The following LRRIQ1 variants were observed in gnomAD, a reference collection of about 807,000 sequenced individuals.
LRRIQ1 encodes the protein leucine-rich repeat- and IQ domain-containing protein 1.
A neutral mutation model predicts 211.9 loss-of-function variants in LRRIQ1; 210 were observed. That is an observed-to-expected ratio of 0.99 (90% confidence interval 0.89 to 1.11). LRRIQ1 has a LOEUF of 1.11. Ranked by LOEUF, LRRIQ1 falls within the 50% of genes most tolerant of loss-of-function variation. The pLI is 0.00. For synonymous variants in LRRIQ1, 699 were observed against 650.1 expected (o/e 1.08, Z -1.14); for missense variants, 2,136 against 1,939.5 (o/e 1.10, Z -1.90).
intron 10 of LRRIQ1, among the ~76,000 whole-genome samples, chr12:85,071,587 G>C (rs1237248367): frequency 6.6e-6 from 1 of 151,966 alleles, no homozygotes; most frequent in African/African-American, 2.4e-5. Context: ...GGAAGATAGT[G>C]TCAGACTCCC....
At chr12:85,268,655 A>G (rs1377173255), downstream of LRRIQ1, among the ~76,000 whole-genome samples, 2 of 150,746 alleles carry the variant, frequency 1.3e-5, no homozygotes, top group Admixed American at 1.3e-4. Context: ...GATTATTAAC[A>G]TCTGTAACTA....
chr12:85,217,508 ATGTGTGTGTGTGTGTGTG>A lies in LRRIQ1; in HGVS notation c.4823-11983_4823-11966del, dbSNP rs370971727. Among the ~76,000 whole-genome samples the A allele has an allele frequency of 3.5e-3, 225 of 64,240 alleles. 10 individuals are homozygous for A. Among genetic ancestry groups the A allele is most frequent in the African/African-American group, 0.019 (197 of 10,572 alleles). 42.1% of individuals were successfully genotyped at this position (64,240 alleles called of 152,430 possible). ...TATATATATGTATATATATATATAT[ATGTGTGTGTGTGTGTGTG>A]TGTGTGTGTGTGTGTGTGTGTGTGT... On this transcript the variant is annotated intron_variant, in intron 24 of 26. Coordinates refer to ENST00000393217, the MANE Select transcript of LRRIQ1 (RefSeq NM_001079910.2).
intron 3 of LRRIQ1, 101 bp from the exon 4 acceptor site, chr12:85,044,617 C>T: frequency 1.9e-6 from 1 of 530,148 alleles, no homozygotes; most frequent in East Asian, 3.0e-5. Context: ...ACAATATACC[C>T]TGATAGAATT....
At chr12:85,228,263 G>A (rs570180173) in intron 24 of LRRIQ1, among the ~76,000 whole-genome samples, 15 of 152,108 alleles carry the variant, frequency 9.9e-5, no homozygotes, top group South Asian at 8.3e-4. Flanking sequence ...AAATTTTTAC[G>A]ATCTACCCAT....
chr12:85,129,903 A>C (rs11116721), intron 18 of LRRIQ1, among the ~76,000 whole-genome samples: 33,375 of 152,138 alleles, frequency 0.22, 4,331 homozygotes, highest in Admixed American at 0.31. Context: ...ACCAGGCAAG[A>C]GATAACGTCA....
intron 24 of LRRIQ1, among the ~76,000 whole-genome samples, chr12:85,184,640 A>G (rs1214463235): frequency 3.9e-5 from 6 of 151,988 alleles, no homozygotes; most frequent in Non-Finnish European, 8.8e-5. Flanking sequence ...GATTGGATTA[A>G]GGGAAGGAAG....
intron 1 of LRRIQ1, among the ~76,000 whole-genome samples, chr12:85,250,361 T>G (rs1895871012): frequency 6.6e-6 from 1 of 151,770 alleles, no homozygotes; most frequent in Non-Finnish European, 1.5e-5. Context: ...TCATTTCAGG[T>G]GAAGTTTTCA....
At chr12:85,067,806 C>T (rs1311977949) in intron 10 of LRRIQ1, among the ~76,000 whole-genome samples, 1 of 151,844 alleles carries the variant, frequency 6.6e-6, no homozygotes, top group Non-Finnish European at 1.5e-5. Flanking sequence ...GAAATTAAAA[C>T]AAAAGAGAAA....
chr12:85,118,194 T>G (rs1156860535), intron 15 of LRRIQ1, among the ~76,000 whole-genome samples: 2 of 152,154 alleles, frequency 1.3e-5, no homozygotes, highest in East Asian at 3.9e-4. Flanking sequence ...TTTATTCCTT[T>G]GTGGCAAATA....
intron 24 of LRRIQ1, among the ~76,000 whole-genome samples, chr12:85,193,113 G>C (rs1045600098): frequency 1.7e-5 from 2 of 114,808 alleles, no homozygotes; most frequent in African/African-American, 3.4e-5. Flanking sequence ...TATAATTATA[G>C]TATATAATTA....
At chr12:85,235,640 A>C (rs1399882364) in intron 26 of LRRIQ1, among the ~76,000 whole-genome samples, 1 of 152,168 alleles carries the variant, frequency 6.6e-6, no homozygotes, top group Non-Finnish European at 1.5e-5. Flanking sequence ...CTCAGGCTGC[A>C]GTTTTCTCAG....
intron 6 of LRRIQ1, among the ~76,000 whole-genome samples, chr12:85,051,037 G>C (rs186849691): frequency 2.6e-5 from 4 of 152,150 alleles, no homozygotes; most frequent in Non-Finnish European, 5.9e-5. Context: ...TGGAGGTGGG[G>C]CCTAGTGGGA....
intron 24 of LRRIQ1, among the ~76,000 whole-genome samples, chr12:85,167,912 G>A (rs1401765195): frequency 6.6e-6 from 1 of 152,058 alleles, no homozygotes; most frequent in Admixed American, 6.6e-5. Context: ...ACAATCGGAA[G>A]TGCACTAATC....
chr12:85,153,706 A>G lies in LRRIQ1; in HGVS notation c.4585A>G (p.Ser1529Gly). ...TSSWTPESKT[S>G]RKSLLKSEKE... is the part of the protein sequence containing the mutation. ...TTCCTGGACACCTGAATCAAAGACC[A>G]GTAGAAAGAGTTTGCTAAAATCTGA... Residue 1529 changes from serine (S) to glycine (G), a missense_variant, in exon 22 of 27, where the codon AGT becomes GGT. Transcript: ENST00000393217. 6.3e-7 allele frequency: 1 copy of G among 1,586,796 alleles called. No individual in the cohort carries two copies. Among genetic ancestry groups the G allele is most frequent in the South Asian group, 1.2e-5 (1 of 85,730 alleles).
Position 85,044,820 on chromosome 12 carries a change from A to G in LRRIQ1, c.336+11A>G, listed in dbSNP as rs759988339. Reference sequence around the variant, plus strand: ...GAGCAATTAATTAAGGTATATATTCAATATTTGACTTAAAATATTCACTAT... The same window carrying G: ...GAGCAATTAATTAAGGTATATATTCGATATTTGACTTAAAATATTCACTAT... On this transcript the variant is annotated intron_variant, in intron 4 of 26. Coordinates refer to ENST00000393217, the MANE Select transcript of LRRIQ1 (RefSeq NM_001079910.2). 2 of 1,227,850 alleles carry G rather than the reference A, an allele frequency of 1.6e-6. No homozygotes were observed. The highest frequency in any genetic ancestry group is 4.9e-5 in the East Asian group (2 of 40,982). 76.1% of individuals were successfully genotyped at this position (1,227,850 alleles called of 1,614,324 possible).
At position 85,251,587 on chromosome 12, in the gene LRRIQ1, G is replaced by C. The variant is rs370006852; in HGVS notation, c.121+6678G>C. On this transcript the variant is annotated intron_variant, in intron 1 of 1. Transcript: ENST00000602731. ...TTGCAACTCTTATGTAAATTTAGCC[G>C]GTAAAGGCAGCCTGGCATAGTGGAA... Among the ~76,000 whole-genome samples the C allele has an allele frequency of 9.2e-5, 14 of 151,874 alleles. 1 individual carries two copies. In the East Asian group the frequency reaches 2.5e-3, roughly 27 times the overall value.
chr12:85,246,974 AGTT>A (rs1238143862), downstream of LRRIQ1, among the ~76,000 whole-genome samples: 2 of 151,432 alleles, frequency 1.3e-5, no homozygotes, highest in Admixed American at 6.6e-5. Context: ...CTCTTTGTAG[AGTT>A]GTTGTTGGGA....
chr12:85,243,181 T>C (rs1565925004), intron 26 of LRRIQ1, among the ~76,000 whole-genome samples: 5 of 147,032 alleles, frequency 3.4e-5, no homozygotes, highest in African/African-American at 1.1e-4. Flanking sequence ...TGCTTTGATA[T>C]TTCCCCTTAA....
Position 85,052,207 on chromosome 12 carries a change from TA to T in LRRIQ1, c.710del (p.Tyr237LeufsTer44). On this transcript the variant is annotated frameshift_variant, in exon 7 of 27. Transcript: ENST00000393217. LOFTEE classifies it high-confidence loss of function. Reference sequence around the variant, plus strand: ...ACAGGACAAGATGAATGATGAACTCTATAAAGAAGAGAAAATTTGGAAAGAG... The same window carrying T: ...ACAGGACAAGATGAATGATGAACTCTTAAAGAAGAGAAAATTTGGAAAGAG... ...QEQDKMNDEL[Y>X]KEEKIWKEKF... is the part of the protein sequence containing the mutation. 6.4e-7 allele frequency: 1 copy of T among 1,561,964 alleles called. No individual in the cohort carries two copies. Among genetic ancestry groups the T allele is most frequent in the Non-Finnish European group, 8.7e-7 (1 of 1,145,464 alleles).
Sources: allele counts gnomAD v4.1 joint callset (sites outside exome capture counted in the v4.1 genomes callset), GRCh38; gene constraint gnomAD v4.1.1; transcripts MANE v1.5; gene names NCBI Gene and HGNC (gene_info 2026-07-23, HGNC 2026-07-21).